The following NADK2 variants were observed in gnomAD, a reference collection of about 807,000 sequenced individuals.
NADK2 encodes NAD kinase domain-containing protein 1, mitochondrial.
Under a neutral mutation model 62.1 loss-of-function variants are expected in NADK2, and 35 were observed. The ratio of observed to expected loss-of-function variants is 0.56; its 90% CI spans 0.43 to 0.75. NADK2 has a LOEUF of 0.75. NADK2 is among the 30% of genes least tolerant of loss of function. The probability of loss-of-function intolerance (pLI) is 0.00; values close to 1 mark genes in which losing one functional copy is unlikely to be tolerated. For synonymous variants in NADK2, 205 were observed against 207.9 expected (o/e 0.99, Z 0.12); for missense variants, 439 against 561.3 (o/e 0.78, Z 2.20).
intron 5 of NADK2, among the ~76,000 whole-genome samples, chr5:36,218,436 ATAAT>A (rs1747130930): frequency 6.6e-6 from 1 of 152,254 alleles, no homozygotes; most frequent in African/African-American, 2.4e-5. Flanking sequence ...TTCAAAACTG[ATAAT>A]CAATGTATCG....
At chr5:36,237,198 C>T (rs1425511653) in intron 1 of NADK2, among the ~76,000 whole-genome samples, 3 of 152,102 alleles carry the variant, frequency 2.0e-5, no homozygotes, top group African/African-American at 7.2e-5. Flanking sequence ...GATTTACATG[C>T]ATATAAACAC....
chr5:36,225,465 G>C (rs1579628299), intron 4 of NADK2, 77 bp downstream of exon 4: 1 of 1,067,854 alleles, frequency 9.4e-7, no homozygotes, highest in East Asian at 2.4e-5. Flanking sequence ...AAGCAGAAAT[G>C]CATGTATGTA....
upstream of NADK2, chr5:36,241,955 G>T: frequency 1.9e-6 from 1 of 533,388 alleles, no homozygotes. This position sits in a 1 kb window ranked among gnomAD's most constrained non-coding sequence, Gnocchi z 4.9. Context: ...GCGGCTAGGG[G>T]GACGTACCCA....
chr5:36,240,118 T>G (rs1272354534), intron 1 of NADK2, among the ~76,000 whole-genome samples: 1 of 152,214 alleles, frequency 6.6e-6, no homozygotes, highest in Admixed American at 6.5e-5. Context: ...CTTAGAACAT[T>G]ACTAGTCCCT....
At chr5:36,228,374 T>C (rs1370003247) in intron 1 of NADK2, among the ~76,000 whole-genome samples, 1 of 152,146 alleles carries the variant, frequency 6.6e-6, no homozygotes, top group East Asian at 1.9e-4. Context: ...CAAAAGTGTG[T>C]TATTTGTACT....
chr5:36,221,493 G>T (rs1442221702), intron 4 of NADK2: 4 of 152,120 alleles, frequency 2.6e-5, no homozygotes, highest in African/African-American at 9.7e-5. Context: ...TAATAAATAG[G>T]AGAAAAAACT....
rs1427565548 is a variant in NADK2, at chr5:36,197,877, A to G, written c.1067-213T>C. 9.2e-5 allele frequency among the ~76,000 whole-genome samples: 14 copies of G among 152,170 alleles called. No individual in the cohort carries two copies. The East Asian group carries it at 2.3e-3, about 25-fold the overall frequency. On this transcript the variant is annotated intron_variant, in intron 10 of 11. Coordinates refer to ENST00000381937, the MANE Select transcript of NADK2 (RefSeq NM_001085411.3). ...GGTACCATGATTTGCCCACAGAAAC[A>G]TACATCACCCACAATACAGTAGGAA...
chr5:36,211,613 C>G (rs112599125), intron 7 of NADK2, among the ~76,000 whole-genome samples: 214 of 151,864 alleles, frequency 1.4e-3, no homozygotes, highest in African/African-American at 4.3e-3. Context: ...GGACACAGTA[C>G]AATAACTTTA....
chr5:36,202,241 A>C (rs759530467), intron 8 of NADK2, among the ~76,000 whole-genome samples: 1 of 152,058 alleles, frequency 6.6e-6, no homozygotes, highest in Non-Finnish European at 1.5e-5. Context: ...TCTACTACCA[A>C]ACTGGAAGAC....
intron 7 of NADK2, chr5:36,208,607 G>C: frequency 6.7e-7 from 1 of 1,495,002 alleles, no homozygotes; most frequent in Non-Finnish European, 8.9e-7. Flanking sequence ...ATTTTTTTAA[G>C]GCAGCAATAA....
intron 4 of NADK2, chr5:36,221,705 T>C (rs1474183060): frequency 3.9e-5 from 6 of 152,196 alleles, no homozygotes; most frequent in African/African-American, 9.6e-5. Context: ...ATATTAACAA[T>C]TGCTTGCCAG....
At chr5:36,197,897 T>G (rs1746292639) in intron 10 of NADK2, among the ~76,000 whole-genome samples, 1 of 151,666 alleles carries the variant, frequency 6.6e-6, no homozygotes, top group African/African-American at 2.4e-5. Flanking sequence ...CACAATACAG[T>G]AGGAATAGGT....
chr5:36,196,157 G>C (rs1175868697), intron 11 of NADK2, among the ~76,000 whole-genome samples: 2 of 151,988 alleles, frequency 1.3e-5, no homozygotes. Context: ...ATTTCTTTTG[G>C]ATGTATACTT....
chr5:36,216,922 T>C (rs1398384905), intron 6 of NADK2, among the ~76,000 whole-genome samples: 5 of 152,202 alleles, frequency 3.3e-5, no homozygotes, highest in Admixed American at 2.6e-4. Context: ...TTTTTTTAAA[T>C]AGAATTCTTT....
At chr5:36,228,773 C>T (rs1032047024) in intron 1 of NADK2, among the ~76,000 whole-genome samples, 3 of 150,812 alleles carry the variant, frequency 2.0e-5, no homozygotes, top group African/African-American at 7.3e-5. Context: ...TGCACACCAC[C>T]ACAACCAGCT....
At chr5:36,220,510 G>A (rs1747224730) in intron 4 of NADK2, among the ~76,000 whole-genome samples, 2 of 152,182 alleles carry the variant, frequency 1.3e-5, no homozygotes, top group African/African-American at 2.4e-5. Flanking sequence ...ACTTGTAAGC[G>A]TGAAGGGCAC....
intron 8 of NADK2, among the ~76,000 whole-genome samples, chr5:36,203,894 C>T (rs968390292): frequency 2.6e-5 from 4 of 152,068 alleles, no homozygotes; most frequent in African/African-American, 9.7e-5. Context: ...AACTATGTGA[C>T]CTCTATAGAC....
intron 1 of NADK2, among the ~76,000 whole-genome samples, chr5:36,229,268 G>C (rs975825401): frequency 2.0e-5 from 3 of 152,130 alleles, no homozygotes; most frequent in African/African-American, 7.2e-5. Flanking sequence ...TTAATTAATA[G>C]ATGTTAACTT....
Position 36,241,630 on chromosome 5 carries a change from C to T in NADK2, c.169G>A (p.Gly57Ser). 2.0e-6 allele frequency: 3 copies of T among 1,468,412 alleles called. No individual in the cohort carries two copies. Among genetic ancestry groups the T allele is most frequent in the Non-Finnish European group, 2.7e-6 (3 of 1,114,944 alleles). The allele number at this position is 1,468,412 out of a possible 1,614,324, so 91.0% of individuals were successfully genotyped here. Reference protein sequence around the residue: ...LGQGQPRELAGCGSRADGGFR... With the variant: ...LGQGQPRELASCGSRADGGFR... ...CCGCCGTCCGCGCGGCTGCCACAGC[C>T]CGCCAGCTCGCGCGGCTGCCCCTGC... The change falls in exon 1 of 12, where the codon GGC becomes AGC. Residue 57 changes from glycine to serine, a missense_variant. Coordinates refer to ENST00000381937, the MANE Select transcript of NADK2 (RefSeq NM_001085411.3). The surrounding 1 kb of genome is among the most constrained non-coding windows in gnomAD (Gnocchi z 4.9).
Sources: allele counts gnomAD v4.1 joint callset (sites outside exome capture counted in the v4.1 genomes callset), GRCh38; gene constraint gnomAD v4.1.1; non-coding constraint Gnocchi (gnomAD v3.1); transcripts MANE v1.5; gene names NCBI Gene and HGNC (gene_info 2026-07-23, HGNC 2026-07-21).